AGL: variants seen among roughly 807,000 people sequenced by gnomAD.
The protein encoded by AGL is amylo-alpha-1,6-glucosidase and 4-alpha-glucanotransferase, also known as glycogen debranching enzyme.
A neutral mutation model predicts 199.3 loss-of-function variants in AGL; 128 were observed. That is an observed-to-expected ratio of 0.64 (90% CI 0.56 to 0.74). The LOEUF is 0.74. AGL is among the 30% of genes least tolerant of loss of function. The probability of loss-of-function intolerance (pLI) is 0.00; values close to 1 mark genes in which losing one functional copy is unlikely to be tolerated. For synonymous variants in AGL, 584 were observed against 594.7 expected (o/e 0.98, Z 0.26); for missense variants, 1,809 against 1,820.8 (o/e 0.99, Z 0.12).
Position 99,902,750 on chromosome 1 carries a change from A to G in AGL, c.3656A>G (p.Glu1219Gly). 1 of 1,613,608 alleles carries G rather than the reference A, an allele frequency of 6.2e-7. No homozygotes were observed. Among genetic ancestry groups the G allele is most frequent in the African/African-American group, 1.3e-5 (1 of 75,054 alleles). Reference protein sequence around the residue: ...QKHMQGIQFRERNAGPQIDRN... With the variant: ...QKHMQGIQFRGRNAGPQIDRN... ...CACATGCAGGGCATACAGTTCCGAG[A>G]AAGGAATGCTGGTCCCCAGATAGAT... The change falls in exon 27 of 34, where the codon GAA (glutamate) becomes GGA (glycine). Residue 1219 changes from glutamate to glycine, a missense_variant. Glu to Gly is a moderately conservative substitution (Grantham distance 98). Transcript: ENST00000361915.
Position 99,880,643 on chromosome 1 carries a change from G to A in AGL, c.1747G>A (p.Ala583Thr), listed in dbSNP as rs762347255. 5.0e-6 allele frequency: 8 copies of A among 1,613,938 alleles called. No homozygotes were observed. Among genetic ancestry groups the A allele is most frequent in the South Asian group, 2.2e-5 (2 of 91,078 alleles). Residue 583 changes from alanine (A) to threonine (T), a missense_variant, in exon 14 of 34, where the codon GCA (alanine) becomes ACA (threonine). Physicochemically the swap from Ala to Thr is moderately conservative, Grantham distance 58 (BLOSUM62 0). Transcript: ENST00000361915. ...ISSLIREAMS[A>T]YNSHEEGRLV... ...GTAATGCTCTGCAGAGGCAATGAGT[G>A]CATATAATAGTCATGAAGAGGGCAG...
chr1:99,880,976 AATTT>A, intron 14 of AGL, 96 bp from the exon 15 acceptor site: 1 of 1,243,912 alleles, frequency 8.0e-7, no homozygotes, highest in Non-Finnish European at 1.2e-6. Context: ...TTACCTTATG[AATTT>A]ATTTATGTAA....
At position 99,884,815 on chromosome 1, in the gene AGL, C is replaced by T; in HGVS notation, c.2681+112C>T. On this transcript the variant is annotated intron_variant, in intron 20 of 33. Transcript: ENST00000361915. ...TATCCTTGCTACTCAAAGTACGGTC[C>T]AAGGACCAGCAGTGTCAGCATCACC... 2.3e-6 allele frequency: 3 copies of T among 1,290,072 alleles called. No homozygotes were observed. The South Asian group carries it at 3.6e-5, about 16-fold the overall frequency. 79.9% of individuals were successfully genotyped at this position (1,290,072 alleles called of 1,614,324 possible).
chr1:99,913,912 C>A (rs1654931024), intron 30 of AGL, among the ~76,000 whole-genome samples, 174 bp downstream of exon 30: 1 of 152,122 alleles, frequency 6.6e-6, no homozygotes, highest in Admixed American at 6.6e-5. Flanking sequence ...TCACTTTTAA[C>A]CTGTAACATT....
chr1:99,874,770 G>A lies in AGL; in HGVS notation c.1042G>A (p.Val348Ile), dbSNP rs544658310. The A allele has an allele frequency of 4.3e-5, 69 of 1,607,732 alleles. No individual in the cohort carries two copies. Among genetic ancestry groups the A allele is most frequent in the Middle Eastern group, 3.3e-4 (2 of 6,024 alleles). Residue 348 changes from valine (V) to isoleucine (I), a missense_variant, in exon 8 of 34, where the codon GTA (valine) becomes ATA (isoleucine). Val to Ile is a conservative substitution (Grantham distance 29). Transcript: ENST00000361915. ...DPEYRRFGCT[V>I]DMNIALTTFI... ...TGAATACAGACGGTTTGGCTGTACT[G>A]TAGATATGAACATTGCACTAACGAC...
chr1:99,879,836 C>T, intron 12 of AGL, 87 bp from the exon 13 acceptor site: 1 of 1,056,820 alleles, frequency 9.5e-7, no homozygotes, highest in South Asian at 1.3e-5. Context: ...TCAAATCATG[C>T]CTCCTTTTGT....
At chr1:99,893,929 TC>T (rs1653102470) in intron 24 of AGL, among the ~76,000 whole-genome samples, 1 of 152,044 alleles carries the variant, frequency 6.6e-6, no homozygotes, top group Non-Finnish European at 1.5e-5. Context: ...ATACCTGTAA[TC>T]CCAACACTTT....
intron 5 of AGL, among the ~76,000 whole-genome samples, chr1:99,865,378 G>A (rs1008815732): frequency 1.3e-5 from 2 of 152,154 alleles, no homozygotes; most frequent in African/African-American, 2.4e-5. Flanking sequence ...AAACTTATTA[G>A]TAAACTCTCA....
At position 99,873,676 on chromosome 1, in the gene AGL, C is replaced by T. The variant is rs984928264; in HGVS notation, c.959-1011C>T. 5.9e-5 allele frequency among the ~76,000 whole-genome samples: 9 copies of T among 152,226 alleles called. 1 individual carries two copies. The South Asian group carries it at 1.0e-3, about 18-fold the overall frequency. On this transcript the variant is annotated intron_variant, in intron 7 of 33. Coordinates refer to ENST00000361915, the MANE Select transcript of AGL (RefSeq NM_000642.3). ...CTCGATCTCTTGACCTCAGGTGATCCACCCACCTCAGCCTCCCAAAATGCT... is the reference window on the plus strand; with the variant it reads ...CTCGATCTCTTGACCTCAGGTGATCTACCCACCTCAGCCTCCCAAAATGCT...
intron 2 of AGL, among the ~76,000 whole-genome samples, chr1:99,851,763 A>G (rs1370168703): frequency 6.6e-6 from 1 of 152,186 alleles, no homozygotes; most frequent in African/African-American, 2.4e-5. Context: ...TAGCCTTTGT[A>G]ATTTTTCAAC....
intron 2 of AGL, chr1:99,852,804 T>G (rs1649090022): frequency 1.3e-6 from 1 of 760,508 alleles, no homozygotes; most frequent in Non-Finnish European, 2.4e-6. Flanking sequence ...TAAATAAATA[T>G]AAGGCATTGA....
chr1:99,891,225 A>G lies in AGL; in HGVS notation c.2818A>G (p.Met940Val), dbSNP rs754850076. The G allele has an allele frequency of 6.2e-7, 1 of 1,613,566 alleles. No individual in the cohort carries two copies. The highest frequency in any genetic ancestry group is 8.5e-7 in the Non-Finnish European group (1 of 1,179,616). Reference sequence around the variant, plus strand: ...ACATGTCTCTGAATTTTCAGGTTTAATGTCTGTATTGGCAGAAATAAGACC... The same window carrying G: ...ACATGTCTCTGAATTTTCAGGTTTAGTGTCTGTATTGGCAGAAATAAGACC... ...ALKYAGLQGL[M>V]SVLAEIRPKN... The change falls in exon 22 of 34, where the codon ATG becomes GTG. Residue 940 changes from methionine to valine, a missense_variant. Met to Val is a conservative substitution (Grantham distance 21). Transcript: ENST00000361915.
At chr1:99,866,307 A>G (rs1650505000) in intron 5 of AGL, among the ~76,000 whole-genome samples, 1 of 152,228 alleles carries the variant, frequency 6.6e-6, no homozygotes. Flanking sequence ...TATTTCTTAC[A>G]AAAGATTAGA....
intron 15 of AGL, 25 bp from the exon 16 acceptor site, chr1:99,881,267 C>A (rs749098338): frequency 1.2e-6 from 2 of 1,613,790 alleles, no homozygotes; most frequent in South Asian, 1.1e-5. Context: ...AAGATGTATC[C>A]ATGCTAAATT....
At chr1:99,884,084 A>T (rs756260280) in intron 17 of AGL, 36 bp from the exon 18 acceptor site, 2 of 1,572,070 alleles carry the variant, frequency 1.3e-6, no homozygotes, top group Middle Eastern at 1.9e-4. Context: ...ATGATTCCAT[A>T]TGAAATTTTG....
intron 17 of AGL, 46 bp downstream of exon 17, chr1:99,881,737 TATTAA>T (rs769840737): frequency 9.2e-5 from 133 of 1,442,954 alleles, no homozygotes; most frequent in Non-Finnish European, 5.2e-5. Flanking sequence ...TATATTATTA[TATTAA>T]ATTATACTGT....
At chr1:99,912,617 C>A in intron 29 of AGL, 100 bp downstream of exon 29, 1 of 865,532 alleles carries the variant, frequency 1.2e-6, no homozygotes, top group East Asian at 2.6e-5. Flanking sequence ...TATCGGAAAA[C>A]CCTTAAAATT....
At chr1:99,866,965 T>G (rs182914159) in intron 5 of AGL, among the ~76,000 whole-genome samples, 235 of 152,176 alleles carry the variant, frequency 1.5e-3, no homozygotes, top group Middle Eastern at 0.01. Context: ...ATTACAGGCA[T>G]GCACCAACAC....
intron 25 of AGL, 116 bp from the exon 26 acceptor site, chr1:99,900,519 GA>G (rs1653740341): frequency 1.1e-6 from 1 of 941,398 alleles, no homozygotes; most frequent in East Asian, 2.4e-5. Context: ...AAAATATAAA[GA>G]AATAGGGCAA....
Sources: gnomAD v4.1 joint callset for allele counts (sites outside exome capture counted in the v4.1 genomes callset) on GRCh38, gnomAD v4.1.1 for gene constraint, MANE v1.5 for transcripts, NCBI Gene and HGNC (gene_info 2026-07-23, HGNC 2026-07-21) for gene names.